PTPN14: variants seen among roughly 807,000 people sequenced by gnomAD.
The protein encoded by PTPN14 is tyrosine-protein phosphatase non-receptor type 14.
In PTPN14, 53 loss-of-function variants were observed where a neutral mutation model predicts 126.8. The observed-to-expected ratio is 0.42, with a 90% CI of 0.34 to 0.53. PTPN14 has a LOEUF of 0.53. PTPN14 is among the 20% of genes least tolerant of loss of function. The probability of loss-of-function intolerance (pLI) is 0.08; values close to 1 mark genes in which losing one functional copy is unlikely to be tolerated. For missense variants in PTPN14, 1,257 were observed against 1,552.9 expected (o/e 0.81, Z 3.20); for synonymous variants, 630 against 599.3 (o/e 1.05, Z -0.75).
chr1:214,415,023 C>G (rs146461282), intron 3 of PTPN14, among the ~76,000 whole-genome samples: 1 of 152,098 alleles, frequency 6.6e-6, no homozygotes, highest in African/African-American at 2.4e-5. Context: ...TAACAGAATC[C>G]GAGAATGAAA....
chr1:214,536,229 G>A (rs1655701578), intron 1 of PTPN14, among the ~76,000 whole-genome samples: 1 of 151,848 alleles, frequency 6.6e-6, no homozygotes, highest in African/African-American at 2.4e-5. Context: ...GCAACATGAT[G>A]AAACCCATAA....
chr1:214,376,978 T>C (rs1658357227), intron 14 of PTPN14, among the ~76,000 whole-genome samples: 1 of 152,254 alleles, frequency 6.6e-6, no homozygotes, highest in African/African-American at 2.4e-5. Flanking sequence ...CTGGTGTTAT[T>C]AGTACTTTAT....
At chr1:214,376,083 G>C in intron 15 of PTPN14, 136 bp downstream of exon 15, 1 of 746,260 alleles carries the variant, frequency 1.3e-6, no homozygotes, top group East Asian at 2.7e-5. Context: ...AAAAGCACAG[G>C]AGTTCAAAAA....
intron 13 of PTPN14, among the ~76,000 whole-genome samples, chr1:214,382,489 T>C (rs1404129691): frequency 6.6e-6 from 1 of 152,082 alleles, no homozygotes; most frequent in East Asian, 1.9e-4. Context: ...GTCTGGCTGG[T>C]TCTTTTTTTA....
At chr1:214,404,827 T>A (rs1227997091) in intron 5 of PTPN14, among the ~76,000 whole-genome samples, 3 of 152,190 alleles carry the variant, frequency 2.0e-5, no homozygotes, top group Admixed American at 2.0e-4. Context: ...AATTACTTCA[T>A]AAGATCAAAC....
At chr1:214,489,283 A>T (rs1661180884) in intron 1 of PTPN14, among the ~76,000 whole-genome samples, 1 of 151,988 alleles carries the variant, frequency 6.6e-6, no homozygotes, top group African/African-American at 2.4e-5. Context: ...GGAGGTTGAG[A>T]TTTTGCTCAA....
rs184479016 is a variant in PTPN14, at chr1:214,443,707, T to C, written c.344+8098A>G. ...ATCCACTGTTGAAAAACCAAAAAACTTCAGGATGGCAACAGCAGAGCACTA... is the reference window on the plus strand; with the variant it reads ...ATCCACTGTTGAAAAACCAAAAAACCTCAGGATGGCAACAGCAGAGCACTA... On this transcript the variant is annotated intron_variant, in intron 3 of 18. Transcript: ENST00000366956. 7.9e-5 allele frequency among the ~76,000 whole-genome samples: 12 copies of C among 152,090 alleles called. No homozygotes were observed. The East Asian group carries it at 2.3e-3, about 29-fold the overall frequency.
chr1:214,452,679 C>T (rs1240355808), intron 2 of PTPN14, among the ~76,000 whole-genome samples: 1 of 152,118 alleles, frequency 6.6e-6, no homozygotes, highest in Non-Finnish European at 1.5e-5. Flanking sequence ...CGCCCTTAGA[C>T]TTGAAGCCTA....
chr1:214,430,602 T>C (rs1332866496), intron 3 of PTPN14, among the ~76,000 whole-genome samples: 3 of 152,230 alleles, frequency 2.0e-5, no homozygotes, highest in South Asian at 2.1e-4. Flanking sequence ...GTGTTTGGAC[T>C]TGAACTTCAA....
At chr1:214,535,840 A>G (rs1358289893) in intron 1 of PTPN14, among the ~76,000 whole-genome samples, 2 of 152,104 alleles carry the variant, frequency 1.3e-5, no homozygotes, top group Non-Finnish European at 2.9e-5. Context: ...ATTGTGTGAA[A>G]GCAAGATCTC....
chr1:214,377,702 T>C (rs1402725503), intron 14 of PTPN14, among the ~76,000 whole-genome samples: 2 of 152,102 alleles, frequency 1.3e-5, no homozygotes, highest in Non-Finnish European at 2.9e-5. Context: ...GACCAAGTCA[T>C]ACAGCATGTT....
At chr1:214,402,096 G>A (rs892426622) in intron 6 of PTPN14, among the ~76,000 whole-genome samples, 1 of 151,546 alleles carries the variant, frequency 6.6e-6, no homozygotes, top group South Asian at 2.1e-4. Context: ...CCATCTGGGA[G>A]AAATCTTCAT....
intron 6 of PTPN14, 65 bp downstream of exon 6, chr1:214,402,818 C>T (rs1659064350): frequency 1.3e-6 from 2 of 1,543,934 alleles, no homozygotes; most frequent in Non-Finnish European, 1.8e-6. Flanking sequence ...GAGATGGATG[C>T]CTCCTGCCCC....
At chr1:214,477,193 T>C (rs796327523) in intron 1 of PTPN14, among the ~76,000 whole-genome samples, 4 of 152,264 alleles carry the variant, frequency 2.6e-5, no homozygotes, top group African/African-American at 9.6e-5. Flanking sequence ...GCCAAGAAGC[T>C]GAATCAGAGG....
intron 1 of PTPN14, among the ~76,000 whole-genome samples, chr1:214,476,410 C>T (rs1660870037): frequency 6.6e-6 from 1 of 152,176 alleles, no homozygotes; most frequent in Middle Eastern, 3.2e-3. Context: ...ACAGAAGTAG[C>T]CAAGAAAGAA....
chr1:214,532,788 C>T (rs545383470), intron 1 of PTPN14: 9 of 850,586 alleles, frequency 1.1e-5, no homozygotes, highest in East Asian at 2.4e-5. Flanking sequence ...AGACAGAGAT[C>T]GAGGCTCTCA....
At position 214,464,903 on chromosome 1, in the gene PTPN14, C is replaced by T. The variant is rs752074493; in HGVS notation, c.-100G>A. 1 of 1,443,598 alleles carries T rather than the reference C, an allele frequency of 6.9e-7. No homozygotes were observed. Among genetic ancestry groups the T allele is most frequent in the Non-Finnish European group, 9.4e-7 (1 of 1,064,062 alleles). 89.4% of individuals were successfully genotyped at this position (1,443,598 alleles called of 1,614,324 possible). ...CTGGAAAATTACACTATCACCTGTG[C>T]TCCTCCAGGCAGGGAAAAGGGTGTC... On this transcript the variant is annotated 5_prime_UTR_variant, in exon 2 of 19. Transcript: ENST00000366956.
chr1:214,360,750 A>G (rs1263556645), intron 18 of PTPN14, among the ~76,000 whole-genome samples: 5 of 152,042 alleles, frequency 3.3e-5, no homozygotes, highest in African/African-American at 1.2e-4. Flanking sequence ...ACATTACTTC[A>G]TTTACTTATG....
At chr1:214,517,209 T>C (rs1655125362) in intron 1 of PTPN14, among the ~76,000 whole-genome samples, 1 of 152,176 alleles carries the variant, frequency 6.6e-6, no homozygotes, top group African/African-American at 2.4e-5. Context: ...CATGGTCACC[T>C]CCATTTCTGT....
Sources: gnomAD v4.1 joint callset for allele counts (sites outside exome capture counted in the v4.1 genomes callset) on GRCh38, gnomAD v4.1.1 for gene constraint, MANE v1.5 for transcripts, NCBI Gene and HGNC (gene_info 2026-07-23, HGNC 2026-07-21) for gene names.